The following KASH5 variants were observed in gnomAD, a reference collection of about 807,000 sequenced individuals.
KASH5 encodes the protein protein KASH5.
Under a neutral mutation model 84.2 loss-of-function variants are expected in KASH5, and 72 were observed. The ratio of observed to expected loss-of-function variants is 0.85; its 90% confidence interval spans 0.71 to 1.04. The LOEUF (loss-of-function observed/expected upper bound fraction) is 1.04. Ranked by LOEUF, KASH5 falls within the 50% of genes least tolerant of loss-of-function variation. The pLI is 0.00. For synonymous variants in KASH5, 260 were observed against 279.1 expected (o/e 0.93, Z 0.68); for missense variants, 650 against 701.0 (o/e 0.93, Z 0.82).
intron 15 of KASH5, 81 bp downstream of exon 15, chr19:49,409,956 C>G: frequency 6.5e-7 from 1 of 1,540,258 alleles, no homozygotes. Context: ...AGCCCATTCA[C>G]TCACACTTTT....
intron 9 of KASH5, among the ~76,000 whole-genome samples, chr19:49,403,870 C>T (rs934932172): frequency 5.3e-5 from 8 of 152,248 alleles, no homozygotes; most frequent in African/African-American, 1.7e-4. Flanking sequence ...TACCTTCCCC[C>T]TCCACACAGC....
intron 3 of KASH5, chr19:49,394,824 G>A (rs1974121410): frequency 1.7e-6 from 1 of 588,666 alleles, no homozygotes; most frequent in Non-Finnish European, 3.0e-6. Flanking sequence ...TCGTGGGATA[G>A]GGGAGGGAGG....
At chr19:49,407,201 TG>T in intron 10 of KASH5, 38 bp from the exon 11 acceptor site, 1 of 1,610,502 alleles carries the variant, frequency 6.2e-7, no homozygotes, top group Non-Finnish European at 8.5e-7. Flanking sequence ...AGGGGAGTCC[TG>T]GGAGGCTGGA....
rs1011854531 is a variant in KASH5 at position 49,397,696 on chromosome 19, G to C, written c.446G>C (p.Gly149Ala). Residue 149 changes from glycine to alanine, a missense_variant, in exon 6 of 20, where the codon GGC becomes GCC. By Grantham distance (60) the Gly-to-Ala change is moderately conservative. Coordinates refer to ENST00000447857, the MANE Select transcript of KASH5 (RefSeq NM_144688.5). ...EEPANLESFG[G>A]EDPRPELQAT... The stretch of plus-strand genomic sequence containing the variant: ...CCAGCCAACCTGGAGAGCTTCGGAG[G>C]CGAAGACCCCAGACCCGAGCTGTAC... The C allele has an allele frequency of 5.0e-6, 8 of 1,613,584 alleles. No homozygotes were observed. In the African/African-American group the frequency reaches 1.1e-4, roughly 22 times the overall value.
intron 12 of KASH5, among the ~76,000 whole-genome samples, chr19:49,408,667 C>T (rs1203684389): frequency 6.6e-6 from 1 of 152,202 alleles, no homozygotes; most frequent in East Asian, 1.9e-4. Flanking sequence ...CCAGGATGGT[C>T]TCGATCTCCT....
chr19:49,394,750 G>T (rs1316315702), intron 3 of KASH5, 170 bp downstream of exon 3: 2 of 606,914 alleles, frequency 3.3e-6, no homozygotes, highest in African/African-American at 1.9e-5. Flanking sequence ...GGATAATGGG[G>T]TGAAGGCCTT....
Position 49,390,785 on chromosome 19 carries a change from C to T in KASH5, c.-95-4C>T. On this transcript the variant is annotated splice_polypyrimidine_tract_variant and splice_region_variant and intron_variant, in intron 1 of 19. Coordinates refer to ENST00000447857, the MANE Select transcript of KASH5 (RefSeq NM_144688.5). Reference sequence around the variant, plus strand: ...AGGACACCATTTCCTGCTTCTCCTTCCAGGAGTGCTCGGGCCAGCTGGTCC... The same window carrying T: ...AGGACACCATTTCCTGCTTCTCCTTTCAGGAGTGCTCGGGCCAGCTGGTCC... The T allele has an allele frequency of 7.4e-7, 1 of 1,359,828 alleles. No homozygotes were observed. Among genetic ancestry groups the T allele is most frequent in the Non-Finnish European group, 9.9e-7 (1 of 1,010,046 alleles). 84.2% of individuals were successfully genotyped at this position (1,359,828 alleles called of 1,614,324 possible). A position where few individuals can be genotyped will look rare whatever the true frequency, so the allele number is the denominator to read the frequency against.
intron 15 of KASH5, among the ~76,000 whole-genome samples, chr19:49,411,824 C>G (rs1294783658): frequency 2.0e-5 from 3 of 150,476 alleles, no homozygotes; most frequent in Non-Finnish European, 4.4e-5. Flanking sequence ...GTATCTGTGT[C>G]AGGTCAGAGA....
chr19:49,408,088 G>A (rs961823901), intron 12 of KASH5, among the ~76,000 whole-genome samples: 14 of 151,940 alleles, frequency 9.2e-5, no homozygotes, highest in African/African-American at 2.9e-4. Context: ...GCTAATTTTT[G>A]TGTTTTTAGT....
chr19:49,415,977 T>A (rs914380837), intron 17 of KASH5, among the ~76,000 whole-genome samples: 7 of 151,918 alleles, frequency 4.6e-5, no homozygotes, highest in African/African-American at 1.7e-4. Context: ...CGGGGAGACA[T>A]GGGGGATGAG....
At chr19:49,398,554 A>C (rs1031302346) in intron 7 of KASH5, among the ~76,000 whole-genome samples, 1 of 151,962 alleles carries the variant, frequency 6.6e-6, no homozygotes, top group South Asian at 2.1e-4. Context: ...TTTTTTATAG[A>C]AATGAGTTCT....
chr19:49,392,911 C>CAAA (rs34758110), intron 2 of KASH5, among the ~76,000 whole-genome samples: 1 of 133,882 alleles, frequency 7.5e-6, no homozygotes, highest in Non-Finnish European at 1.6e-5. Flanking sequence ...GACTCCATCT[C>CAAA]AAAAAAAAAA....
intron 5 of KASH5, among the ~76,000 whole-genome samples, chr19:49,396,380 G>A (rs7248502): frequency 0.56 from 84,334 of 151,258 alleles, 23,575 homozygotes; most frequent in South Asian, 0.65. Flanking sequence ...TCAGCCTTCC[G>A]CATAGCTGGG....
At chr19:49,401,226 G>A (rs1974351388) in intron 9 of KASH5, among the ~76,000 whole-genome samples, 1 of 152,178 alleles carries the variant, frequency 6.6e-6, no homozygotes, top group Non-Finnish European at 1.5e-5. Context: ...CTACTTTCCT[G>A]TGAAAGGGAA....
intron 10 of KASH5, 93 bp from the exon 11 acceptor site, chr19:49,407,146 TG>T: frequency 6.9e-7 from 1 of 1,449,442 alleles, no homozygotes; most frequent in Non-Finnish European, 9.6e-7. Context: ...GCTGAATACG[TG>T]GGGGTGCGAG....
Position 49,399,359 on chromosome 19 carries a change from C to T in KASH5, c.748-98C>T. ...CCATCAGGGCTTCCCAGACCCATTC[C>T]CCCAGGCCCTGGTTGTGTTTTCAGG... On this transcript the variant is annotated intron_variant, in intron 8 of 19. Coordinates refer to ENST00000447857, the MANE Select transcript of KASH5 (RefSeq NM_144688.5). This position sits in a 1 kb window ranked among gnomAD's most constrained non-coding sequence, Gnocchi z 4.4. 1 of 1,239,022 alleles carries T rather than the reference C, an allele frequency of 8.1e-7. No individual in the cohort carries two copies. Among genetic ancestry groups the T allele is most frequent in the East Asian group, 2.5e-5 (1 of 39,736 alleles). The allele number at this position is 1,239,022 out of a possible 1,614,324, so 76.8% of individuals were successfully genotyped here. A position where few individuals can be genotyped will look rare whatever the true frequency, so the allele number is the denominator to read the frequency against.
At position 49,395,352 on chromosome 19, in the gene KASH5, C is replaced by T; in HGVS notation, c.335+60C>T. ...TCCTTCCTAAGATCTAACCTCATAC[C>T]TGCTTACTGGAGCCAGCATCCTTTA... On this transcript the variant is annotated intron_variant, in intron 4 of 19. Transcript: ENST00000447857. The surrounding 1 kb of genome is among the most constrained non-coding windows in gnomAD (Gnocchi z 4.4). 6.5e-7 allele frequency: 1 copy of T among 1,546,636 alleles called. No homozygotes were observed. Among genetic ancestry groups the T allele is most frequent in the South Asian group, 1.2e-5 (1 of 86,336 alleles).
In KASH5 at chr19:49,399,549, CT is replaced by C; in HGVS notation, c.798+44del. The C allele has an allele frequency of 6.3e-7, 1 of 1,577,730 alleles. No individual in the cohort carries two copies. Among genetic ancestry groups the C allele is most frequent in the Non-Finnish European group, 8.6e-7 (1 of 1,161,424 alleles). On this transcript the variant is annotated intron_variant, in intron 9 of 19. Transcript: ENST00000447857. This position sits in a 1 kb window ranked among gnomAD's most constrained non-coding sequence, Gnocchi z 4.4. Reference sequence around the variant, plus strand: ...CACCACCCCCACCCCTTCCCCAGTCCTTAAGGTCTTCTTGACACCACTCCCT... The same window carrying C: ...CACCACCCCCACCCCTTCCCCAGTCCTAAGGTCTTCTTGACACCACTCCCT...
chr19:49,396,340 C>T (rs949780708), intron 5 of KASH5, among the ~76,000 whole-genome samples: 35 of 151,876 alleles, frequency 2.3e-4, no homozygotes, highest in Non-Finnish European at 2.2e-4. Context: ...CCGCCACCCC[C>T]GCCTCCTGGG....
Sources: allele counts gnomAD v4.1 joint callset (sites outside exome capture counted in the v4.1 genomes callset), GRCh38; gene constraint gnomAD v4.1.1; non-coding constraint Gnocchi (gnomAD v3.1); transcripts MANE v1.5; gene names NCBI Gene and HGNC (gene_info 2026-07-23, HGNC 2026-07-21).